Variants in PHC3 observed in about 807,000 individuals in gnomAD.
PHC3 encodes the protein polyhomeotic-like protein 3.
A neutral mutation model predicts 107.4 loss-of-function variants in PHC3; 13 were observed. The observed-to-expected ratio is 0.12, with a 90% CI of 0.08 to 0.19. PHC3 has a LOEUF of 0.19. Among genes scored for constraint, PHC3 ranks in the 10% least tolerant of loss-of-function variants. The probability of loss-of-function intolerance (pLI) is 1.00; values close to 1 mark genes in which losing one functional copy is unlikely to be tolerated. For missense variants in PHC3, 992 were observed against 1,210.9 expected, an observed-to-expected ratio of 0.82 and a Z score of 2.68; for synonymous variants, 456 against 427.4, an observed-to-expected ratio of 1.07 and a Z score of -0.83.
chr3:170,170,574 T>C (rs1364773123), intron 4 of PHC3: 1 of 151,858 alleles, frequency 6.6e-6, no homozygotes, highest in Non-Finnish European at 1.5e-5. Context: ...CAAAAAACAA[T>C]AGCCTTGTTC....
chr3:170,167,923 G>A (rs1014446672), intron 4 of PHC3, among the ~76,000 whole-genome samples: 4 of 152,012 alleles, frequency 2.6e-5, no homozygotes, highest in Admixed American at 6.6e-5. Context: ...TTTGTGACCT[G>A]TGGTTGGAGG....
Position 170,097,412 on chromosome 3 carries a change from A to T in PHC3, c.2834-28T>A. ...GGAATTTGACCAGAGGACAGAAGTT[A>T]GAATTAAATATACAACAATTAGACA... On this transcript the variant is annotated intron_variant, in intron 14 of 14. Transcript: ENST00000495893. The surrounding 1 kb of genome is among the most constrained non-coding windows in gnomAD (Gnocchi z 4.1). 1 of 1,601,924 alleles carries T rather than the reference A, an allele frequency of 6.2e-7. No individual in the cohort carries two copies. Among genetic ancestry groups the T allele is most frequent in the South Asian group, 1.1e-5 (1 of 89,756 alleles).
chr3:170,144,098 G>A (rs1385914050), intron 6 of PHC3, among the ~76,000 whole-genome samples: 8 of 151,138 alleles, frequency 5.3e-5, no homozygotes, highest in African/African-American at 1.2e-4. Flanking sequence ...AGGCTGAGGC[G>A]GGCAGATCAC....
intron 9 of PHC3, among the ~76,000 whole-genome samples, chr3:170,121,610 T>C (rs1439174561): frequency 6.6e-6 from 1 of 152,150 alleles, no homozygotes; most frequent in Non-Finnish European, 1.5e-5. Flanking sequence ...GTCATCCTCC[T>C]ACCTCAGCCT....
rs535869554 is a variant in PHC3 at position 170,096,200 on chromosome 3, T to C, written c.*1030A>G. 1.3e-4 allele frequency: 20 copies of C among 152,312 alleles called. No individual in the cohort carries two copies. The highest frequency in any genetic ancestry group is 4.8e-4 in the African/African-American group (20 of 41,574). The allele number at this position is 152,312 out of a possible 1,614,324, so 9.4% of individuals were successfully genotyped here. ...GGACAATTTGTAGATTTTTTTTCTTTTTCTAGTATGATTAAACTAGAAAAA... is the reference window on the plus strand; with the variant it reads ...GGACAATTTGTAGATTTTTTTTCTTCTTCTAGTATGATTAAACTAGAAAAA... On this transcript the variant is annotated 3_prime_UTR_variant, in exon 15 of 15. Transcript: ENST00000495893.
chr3:170,126,529 T>TATATATATATA (rs1491097010), intron 8 of PHC3, among the ~76,000 whole-genome samples: 8 of 39,982 alleles, frequency 2.0e-4, no homozygotes, highest in African/African-American at 6.4e-4. Context: ...TATATATATA[T>TATATATATATA]TTTTTTTTTT....
At chr3:170,173,939 T>C (rs908468652) in intron 2 of PHC3, among the ~76,000 whole-genome samples, 4 of 152,232 alleles carry the variant, frequency 2.6e-5, no homozygotes, top group Non-Finnish European at 5.9e-5. Flanking sequence ...ATGCCTGTGA[T>C]CCCACCACTT....
At position 170,087,994 on chromosome 3, in the gene PHC3, T is replaced by C. The variant is rs558110449; in HGVS notation, c.*9236A>G. The C allele has an allele frequency of 5.9e-5, 9 of 152,176 alleles. No homozygotes were observed. The highest frequency in any genetic ancestry group is 1.0e-4 in the Non-Finnish European group (7 of 68,016). The allele number at this position is 152,176 out of a possible 1,614,324, so 9.4% of individuals were successfully genotyped here. A position where few individuals can be genotyped will look rare whatever the true frequency, so the allele number is the denominator to read the frequency against. On this transcript the variant is annotated 3_prime_UTR_variant, in exon 15 of 15. Transcript: ENST00000495893. ...CAAATGTGCTCTTACAATGCAAAAT[T>C]AACCTTCATTTTCAGGTTATACATT... is the stretch of plus-strand genomic sequence containing the variant.
chr3:170,177,834 C>T (rs185035449), intron 2 of PHC3, among the ~76,000 whole-genome samples: 1 of 149,114 alleles, frequency 6.7e-6, no homozygotes, highest in Admixed American at 6.8e-5. Flanking sequence ...CCATGCCCTG[C>T]TGATTTTTGT....
At chr3:170,180,466 A>G (rs1731207860) in intron 1 of PHC3, among the ~76,000 whole-genome samples, 1 of 152,128 alleles carries the variant, frequency 6.6e-6, no homozygotes, top group Non-Finnish European at 1.5e-5. Context: ...AAAGAAAAAG[A>G]AAATAAGAGG....
chr3:170,108,231 CTCTT>C (rs754191586), intron 11 of PHC3, among the ~76,000 whole-genome samples: 57 of 152,094 alleles, frequency 3.7e-4, no homozygotes, highest in South Asian at 1.0e-3. Context: ...CATATGTGTG[CTCTT>C]TCTATGTTAC....
At chr3:170,122,511 G>A (rs554128468) in intron 9 of PHC3, 80 bp downstream of exon 9, 2 of 1,463,264 alleles carry the variant, frequency 1.4e-6, no homozygotes, top group African/African-American at 1.4e-5. Context: ...GTGAAAGGAG[G>A]AAAGGGAAAA....
intron 4 of PHC3, chr3:170,170,885 T>C (rs1199470423): frequency 6.5e-6 from 1 of 153,824 alleles, no homozygotes; most frequent in African/African-American, 2.4e-5. Context: ...TCAGCTTTCT[T>C]TTACTCCTTT....
rs777834949 is a variant in PHC3, at chr3:170,137,367, G to A, written c.673-702C>T. On this transcript the variant is annotated intron_variant, in intron 6 of 14. Coordinates refer to ENST00000495893, the MANE Select transcript of PHC3 (RefSeq NM_024947.4). The stretch of plus-strand genomic sequence containing the variant: ...TACTGCCAGTCTGGATGGTAGCAAG[G>A]ATTATCCCAATTAATCTCAGCTGAG... 1.4e-4 allele frequency among the ~76,000 whole-genome samples: 22 copies of A among 152,208 alleles called. No homozygotes were observed. In the Middle Eastern group the frequency reaches 0.01, roughly 71 times the overall value.
At chr3:170,148,982 A>T in intron 5 of PHC3, 104 bp downstream of exon 5, 5 of 1,208,796 alleles carry the variant, frequency 4.1e-6, no homozygotes, top group Non-Finnish European at 5.8e-6. Context: ...ACACAATTAA[A>T]CATTTCTTAA....
intron 4 of PHC3, among the ~76,000 whole-genome samples, chr3:170,153,594 T>G (rs1045398755): frequency 6.6e-6 from 1 of 151,914 alleles, no homozygotes; most frequent in African/African-American, 2.4e-5. Context: ...AAACCCCATC[T>G]CTACTAAAAA....
rs145841673 is a variant in PHC3 at position 170,119,844 on chromosome 3, A to AAAG, written c.1943-2369_1943-2368insCTT. 3.9e-3 allele frequency among the ~76,000 whole-genome samples: 586 copies of AAAG among 151,848 alleles called. 20 individuals carry two copies. The East Asian group carries it at 0.097, about 25-fold the overall frequency. On this transcript the variant is annotated intron_variant, in intron 9 of 14. Coordinates refer to ENST00000495893, the MANE Select transcript of PHC3 (RefSeq NM_024947.4). The stretch of plus-strand genomic sequence containing the variant: ...ATGAGTTACTGTAAAAAAAAAAAAA[A>AAAG]TCAACCTGTGCTTTAGTTCCCCCTC...
At chr3:170,146,877 CTTTTTTTTT>C (rs1035803336) in intron 5 of PHC3, among the ~76,000 whole-genome samples, 3 of 98,008 alleles carry the variant, frequency 3.1e-5, no homozygotes, top group East Asian at 3.0e-4. Flanking sequence ...TCTATTTTTT[CTTTTTTTTT>C]TTTTTTTTTT....
intron 11 of PHC3, among the ~76,000 whole-genome samples, chr3:170,110,436 A>T (rs1335171779): frequency 6.6e-6 from 1 of 152,116 alleles, no homozygotes; most frequent in Non-Finnish European, 1.5e-5. Context: ...TAGTGTTCTA[A>T]TCTGAAATGT....
Sources: allele counts gnomAD v4.1 joint callset (sites outside exome capture counted in the v4.1 genomes callset), GRCh38; gene constraint gnomAD v4.1.1; non-coding constraint Gnocchi (gnomAD v3.1); transcripts MANE v1.5; gene names NCBI Gene and HGNC (gene_info 2026-07-23, HGNC 2026-07-21).